The following RARB variants were observed in gnomAD, a reference collection of about 807,000 sequenced individuals.
The protein encoded by RARB is HBV-activated protein.
In RARB, 17 loss-of-function variants were observed where a neutral mutation model predicts 51.9. That is an observed-to-expected ratio of 0.33 (90% CI 0.22 to 0.49). The LOEUF (loss-of-function observed/expected upper bound fraction) is 0.49, where lower values mean the gene tolerates loss of function less well. Ranked by LOEUF, RARB falls within the 20% of genes least tolerant of loss-of-function variation. The pLI is 0.99. For missense variants in RARB, 369 were observed against 550.8 expected (o/e 0.67, Z 3.30); for synonymous variants, 215 against 195.4 (o/e 1.10, Z -0.84).
chr3:24,852,448 T>C (rs1009315304), intron 1 of RARB, among the ~76,000 whole-genome samples: 1 of 152,168 alleles, frequency 6.6e-6, no homozygotes, highest in African/African-American at 2.4e-5. Flanking sequence ...GGAAAACAGT[T>C]TGGCATTTAA....
At chr3:24,945,847 A>T (rs948665969) in intron 2 of RARB, among the ~76,000 whole-genome samples, 3 of 152,262 alleles carry the variant, frequency 2.0e-5, no homozygotes, top group African/African-American at 7.2e-5. Context: ...GTGAACAACA[A>T]GGCCAATGCA....
intron 4 of RARB, among the ~76,000 whole-genome samples, chr3:25,171,628 C>T (rs138245449): frequency 0.013 from 646 of 50,896 alleles, 3 homozygotes; most frequent in Middle Eastern, 0.091. Context: ...TTTTTCCCAA[C>T]CAGTCCCTGG....
intron 5 of RARB, among the ~76,000 whole-genome samples, chr3:25,418,159 G>A (rs1056368422): frequency 6.6e-6 from 1 of 152,140 alleles, no homozygotes; most frequent in Non-Finnish European, 1.5e-5. Context: ...TGGGAAATAT[G>A]GTGTCTATCT....
At chr3:25,197,049 C>A (rs545433799) in intron 5 of RARB, among the ~76,000 whole-genome samples, 100 of 151,840 alleles carry the variant, frequency 6.6e-4, no homozygotes, top group Non-Finnish European at 1.3e-3. Context: ...TTTCTTTTGC[C>A]GTTCAGAAGC....
intron 2 of RARB, among the ~76,000 whole-genome samples, chr3:25,491,209 G>A (rs973206833): frequency 2.0e-5 from 3 of 152,000 alleles, no homozygotes; most frequent in Non-Finnish European, 1.5e-5. Context: ...GTGCTGTTTC[G>A]AAGGAAATTT....
intron 4 of RARB, among the ~76,000 whole-genome samples, chr3:25,138,131 C>CT (rs1345665608): frequency 6.6e-6 from 1 of 152,094 alleles, no homozygotes; most frequent in Non-Finnish European, 1.5e-5. Flanking sequence ...CTTCAGGGAG[C>CT]TACAAGCCTG....
chr3:25,277,220 G>A (rs61354034), intron 5 of RARB, among the ~76,000 whole-genome samples: 2,118 of 152,246 alleles, frequency 0.014, 43 homozygotes, highest in African/African-American at 0.048. Flanking sequence ...TGGTAGATTT[G>A]CGTTGTGGAG....
chr3:25,476,274 A>G (rs971509550), intron 2 of RARB, among the ~76,000 whole-genome samples: 1 of 152,288 alleles, frequency 6.6e-6, no homozygotes, highest in South Asian at 2.1e-4. Flanking sequence ...AAGAATTACA[A>G]TGATTTTTTG....
intron 5 of RARB, among the ~76,000 whole-genome samples, chr3:25,257,046 T>C (rs1429728865): frequency 2.0e-5 from 3 of 152,100 alleles, no homozygotes; most frequent in African/African-American, 7.2e-5. Context: ...CCAAGGGAAA[T>C]GTAAGCTCAT....
intron 5 of RARB, among the ~76,000 whole-genome samples, chr3:25,247,459 C>T (rs575211702): frequency 4.5e-4 from 69 of 152,292 alleles, no homozygotes; most frequent in African/African-American, 1.5e-3. Context: ...TGTAGGCACA[C>T]AAGGGAATCT....
At chr3:25,191,221 T>C (rs770690536) in intron 5 of RARB, among the ~76,000 whole-genome samples, 2 of 152,116 alleles carry the variant, frequency 1.3e-5, no homozygotes, top group Non-Finnish European at 2.9e-5. Flanking sequence ...TTACTCACAA[T>C]ACTGGCAGCA....
chr3:25,461,593 TA>T (rs1196166370), intron 2 of RARB, among the ~76,000 whole-genome samples: 1 of 152,188 alleles, frequency 6.6e-6, no homozygotes, highest in African/African-American at 2.4e-5. Flanking sequence ...TAATTCCTTT[TA>T]GATAATAAGA....
intron 5 of RARB, among the ~76,000 whole-genome samples, chr3:25,379,394 C>T (rs1332290424): frequency 2.6e-5 from 4 of 152,184 alleles, no homozygotes; most frequent in Non-Finnish European, 5.9e-5. Flanking sequence ...CTAATTTCAA[C>T]TCTTACTGGT....
At chr3:25,060,884 G>A (rs1296321808) in intron 3 of RARB, among the ~76,000 whole-genome samples, 1 of 151,842 alleles carries the variant, frequency 6.6e-6, no homozygotes, top group Non-Finnish European at 1.5e-5. Context: ...TAGTAGGTAA[G>A]AAAAGACTTT....
intron 1 of RARB, among the ~76,000 whole-genome samples, chr3:24,856,002 G>A (rs1024120501): frequency 6.6e-6 from 1 of 151,918 alleles, no homozygotes; most frequent in Non-Finnish European, 1.5e-5. Flanking sequence ...CGCCCGCCTC[G>A]GCCTCCCAAA....
At chr3:25,477,974 A>G (rs1355395712) in intron 2 of RARB, among the ~76,000 whole-genome samples, 1 of 152,164 alleles carries the variant, frequency 6.6e-6, no homozygotes, top group South Asian at 2.1e-4. Flanking sequence ...GTTGCCTGCT[A>G]AGTCCTCAGC....
chr3:25,272,717 A>T (rs1437917578), intron 5 of RARB, among the ~76,000 whole-genome samples: 1 of 152,210 alleles, frequency 6.6e-6, no homozygotes, highest in East Asian at 1.9e-4. Flanking sequence ...CGCCTTAAGT[A>T]GTTTTACTGC....
intron 5 of RARB, among the ~76,000 whole-genome samples, chr3:25,193,805 C>T (rs191289828): frequency 1.4e-4 from 22 of 151,982 alleles, no homozygotes; most frequent in Non-Finnish European, 2.5e-4. Flanking sequence ...ACTATATAAA[C>T]GTGCAATATT....
chr3:25,185,659 A>G (rs1356188756), intron 5 of RARB, among the ~76,000 whole-genome samples: 3 of 152,152 alleles, frequency 2.0e-5, no homozygotes, highest in Non-Finnish European at 4.4e-5. Flanking sequence ...TTAGAATGCC[A>G]AAACAGGAAT....
Sources: allele counts gnomAD v4.1 joint callset (sites outside exome capture counted in the v4.1 genomes callset), GRCh38; gene constraint gnomAD v4.1.1; transcripts MANE v1.5; gene names NCBI Gene and HGNC (gene_info 2026-07-23, HGNC 2026-07-21).